RPN2: variants seen among roughly 807,000 people sequenced by gnomAD.
RPN2 encodes dolichyl-diphosphooligosaccharide--protein glycosyltransferase subunit 2.
RPN2 carries 29 observed loss-of-function variants against 71.4 expected under a neutral mutation model. That is an observed-to-expected ratio of 0.41 (90% CI 0.30 to 0.55). The LOEUF (loss-of-function observed/expected upper bound fraction) is 0.55. Ranked by LOEUF, RPN2 falls within the 20% of genes least tolerant of loss-of-function variation. RPN2 has a pLI of 0.35. For missense variants in RPN2, 726 were observed against 774.1 expected, an observed-to-expected ratio of 0.94 and a Z score of 0.74; for synonymous variants, 308 against 305.0, an observed-to-expected ratio of 1.01 and a Z score of -0.10.
intron 2 of RPN2, among the ~76,000 whole-genome samples, chr20:37,194,387 A>G (rs2067210096): frequency 6.6e-6 from 1 of 152,008 alleles, no homozygotes; most frequent in South Asian, 2.1e-4. Context: ...TCAGCCTCCC[A>G]AGTAGCTGGG....
intron 4 of RPN2, among the ~76,000 whole-genome samples, chr20:37,200,928 C>T (rs555620140): frequency 6.6e-6 from 1 of 152,252 alleles, no homozygotes; most frequent in East Asian, 1.9e-4. Flanking sequence ...TTCCTCAAAA[C>T]CCCAGAACCC....
At position 37,225,733 on chromosome 20, in the gene RPN2, C is replaced by T; in HGVS notation, c.1230C>T (p.Ser410=). 2 of 1,614,156 alleles carry T rather than the reference C, an allele frequency of 1.2e-6. No individual in the cohort carries two copies. The highest frequency in any genetic ancestry group is 1.7e-6 in the Non-Finnish European group (2 of 1,180,000). The change falls in exon 11 of 17, where the codon AGC becomes AGT. Residue 410 remains serine, a synonymous_variant. Transcript: ENST00000237530. ...CCAAGGGCACATTCATCGCAGACAGCCACCAGAACTTCGCCTTGTTCTTCC... is the reference window on the plus strand; with the variant it reads ...CCAAGGGCACATTCATCGCAGACAGTCACCAGAACTTCGCCTTGTTCTTCC... ...AKAKGTFIAD[S]HQNFALFFQL...
At chr20:37,204,199 C>A (rs1446288508) in intron 5 of RPN2, among the ~76,000 whole-genome samples, 1 of 152,134 alleles carries the variant, frequency 6.6e-6, no homozygotes, top group African/African-American at 2.4e-5. Context: ...TTGCCTTTGC[C>A]CAGAATATCA....
At position 37,198,501 on chromosome 20, in the gene RPN2, G is replaced by T. The variant is rs772202828; in HGVS notation, c.303+9G>T. 2.5e-6 allele frequency: 4 copies of T among 1,613,974 alleles called. No individual in the cohort carries two copies. The Admixed American group carries it at 6.7e-5, about 27-fold the overall frequency. The stretch of plus-strand genomic sequence containing the variant: ...CCCTCTCAGGATGTGAGGTGAGTCC[G>T]GGTTCCTACGCTGACAATGACTTTA... On this transcript the variant is annotated intron_variant, in intron 3 of 16. Transcript: ENST00000237530.
Position 37,185,713 on chromosome 20 carries a change from G to A in RPN2, c.207+1340G>A, listed in dbSNP as rs186477810. On this transcript the variant is annotated intron_variant, in intron 2 of 16. Coordinates refer to ENST00000237530, the MANE Select transcript of RPN2 (RefSeq NM_002951.5). ...CATGATTATAGCACACTATAACCTCGAACTCCTGGGCTCAAGTGATCCTCC... is the reference window on the plus strand; with the variant it reads ...CATGATTATAGCACACTATAACCTCAAACTCCTGGGCTCAAGTGATCCTCC... Among the ~76,000 whole-genome samples, 14 of 150,720 alleles carry A rather than the reference G, an allele frequency of 9.3e-5. No homozygotes were observed. The East Asian group carries it at 2.8e-3, about 30-fold the overall frequency.
At chr20:37,236,440 A>G in intron 15 of RPN2, 140 bp from the exon 16 acceptor site, 1 of 902,792 alleles carries the variant, frequency 1.1e-6, no homozygotes, top group Non-Finnish European at 1.8e-6. Context: ...ACTTTTTGGC[A>G]TCAGAGCAAA....
chr20:37,217,740 CTTTTTTT>C (rs927435172), intron 9 of RPN2, among the ~76,000 whole-genome samples: 5 of 113,310 alleles, frequency 4.4e-5, no homozygotes, highest in African/African-American at 1.6e-4. Context: ...TTTCTTTTTT[CTTTTTTT>C]GAGATGGAAT....
At chr20:37,198,639 TAAGA>T (rs1400268103) in intron 3 of RPN2, 147 bp downstream of exon 3, 39 of 1,026,502 alleles carry the variant, frequency 3.8e-5, no homozygotes, top group Non-Finnish European at 4.7e-5. Flanking sequence ...TTTTTTTCCT[TAAGA>T]AAGTATAGTT....
At chr20:37,229,790 A>G (rs1277536422) in intron 12 of RPN2, 183 bp from the exon 13 acceptor site, 1 of 646,844 alleles carries the variant, frequency 1.5e-6, no homozygotes, top group Non-Finnish European at 2.8e-6. Context: ...ATTTTCAGCA[A>G]ATACTTGTTT....
At chr20:37,220,271 A>G (rs1216155753) in intron 9 of RPN2, among the ~76,000 whole-genome samples, 1 of 151,924 alleles carries the variant, frequency 6.6e-6, no homozygotes, top group Non-Finnish European at 1.5e-5. Flanking sequence ...TTGTAATTTC[A>G]GTAATAATCA....
chr20:37,222,708 A>G (rs896434175), intron 9 of RPN2, among the ~76,000 whole-genome samples: 2 of 152,216 alleles, frequency 1.3e-5, no homozygotes, highest in African/African-American at 2.4e-5. Context: ...AAACCTATCA[A>G]ATATTTGGAA....
chr20:37,236,594 A>T lies in RPN2; in HGVS notation c.1768A>T (p.Met590Leu). Residue 590 changes from methionine (M) to leucine (L), a missense_variant, in exon 16 of 17, where the codon ATG becomes TTG. Met to Leu is a conservative substitution (Grantham distance 15). Coordinates refer to ENST00000237530, the MANE Select transcript of RPN2 (RefSeq NM_002951.5). ...HLGHAAMLGL[M>L]YVYWTQLNMF... The stretch of plus-strand genomic sequence containing the variant: ...TCTTCTTGCAGCTATGCTGGGACTC[A>T]TGTATGTCTACTGGACTCAGCTCAA... The T allele has an allele frequency of 6.8e-6, 11 of 1,614,104 alleles. No homozygotes were observed. Among genetic ancestry groups the T allele is most frequent in the Non-Finnish European group, 9.3e-6 (11 of 1,179,964 alleles).
intron 8 of RPN2, among the ~76,000 whole-genome samples, chr20:37,212,128 C>T (rs1296357114): frequency 6.6e-6 from 1 of 152,010 alleles, no homozygotes; most frequent in East Asian, 1.9e-4. Context: ...AAAACTAAGG[C>T]CCAGTTTACT....
intron 9 of RPN2, among the ~76,000 whole-genome samples, chr20:37,223,635 C>T (rs1229819482): frequency 1.4e-5 from 2 of 142,856 alleles, no homozygotes; most frequent in Non-Finnish European, 1.5e-5. Flanking sequence ...TTTTCTTCTT[C>T]TTTTTTTTTT....
chr20:37,209,010 C>T (rs2067588981), intron 7 of RPN2, among the ~76,000 whole-genome samples: 1 of 152,152 alleles, frequency 6.6e-6, no homozygotes, highest in Non-Finnish European at 1.5e-5. Flanking sequence ...TCCTGTGAGT[C>T]AAGAGGGGCT....
At chr20:37,219,019 G>C (rs2067887745) in intron 9 of RPN2, among the ~76,000 whole-genome samples, 2 of 151,904 alleles carry the variant, frequency 1.3e-5, no homozygotes, top group African/African-American at 2.4e-5. Context: ...ACTTGTTTTT[G>C]GTTCTTTCAG....
chr20:37,220,461 CT>C (rs2067925282), intron 9 of RPN2, among the ~76,000 whole-genome samples: 1 of 152,104 alleles, frequency 6.6e-6, no homozygotes, highest in African/African-American at 2.4e-5. Flanking sequence ...TTAATTGCCC[CT>C]AATGCACCAT....
At chr20:37,180,034 C>G (rs1245436432) in intron 1 of RPN2, among the ~76,000 whole-genome samples, 2 of 152,300 alleles carry the variant, frequency 1.3e-5, no homozygotes, top group South Asian at 4.1e-4. Flanking sequence ...GTGCATGGCC[C>G]TAGGTAAGAA....
chr20:37,189,358 T>A (rs1412770431), intron 2 of RPN2, among the ~76,000 whole-genome samples: 2 of 148,814 alleles, frequency 1.3e-5, no homozygotes, highest in Non-Finnish European at 3.0e-5. Context: ...TGTGTGTGTG[T>A]GTGAACATCC....
Sources: gnomAD v4.1 joint callset for allele counts (sites outside exome capture counted in the v4.1 genomes callset) on GRCh38, gnomAD v4.1.1 for gene constraint, MANE v1.5 for transcripts, NCBI Gene and HGNC (gene_info 2026-07-23, HGNC 2026-07-21) for gene names.